The following DNAAF9 variants were observed in gnomAD, a reference collection of about 807,000 sequenced individuals.
DNAAF9 encodes dynein axonemal assembly factor 9.
DNAAF9 carries 90 observed loss-of-function variants against 167.0 expected under a neutral mutation model. The observed-to-expected ratio is 0.54, with a 90% confidence interval of 0.45 to 0.64. The LOEUF (loss-of-function observed/expected upper bound fraction) is 0.64. Among genes scored for constraint, DNAAF9 ranks in the 30% least tolerant of loss-of-function variants. The pLI is 0.00. For missense variants in DNAAF9, 1,315 were observed against 1,442.2 expected (o/e 0.91, Z 1.43); for synonymous variants, 491 against 508.8 (o/e 0.96, Z 0.47).
intron 20 of DNAAF9, among the ~76,000 whole-genome samples, chr20:3,313,330 G>A (rs1184395822): frequency 6.6e-6 from 1 of 152,248 alleles, no homozygotes; most frequent in Non-Finnish European, 1.5e-5. Flanking sequence ...CCAGCAGTAT[G>A]TGGATAGAAA....
intron 17 of DNAAF9, among the ~76,000 whole-genome samples, chr20:3,317,276 G>C (rs371668667): frequency 1.3e-5 from 2 of 149,398 alleles, no homozygotes; most frequent in Admixed American, 6.7e-5. Context: ...TGGGAAAATC[G>C]CTTGAGCCCA....
intron 1 of DNAAF9, among the ~76,000 whole-genome samples, chr20:3,405,549 T>A (rs1007840313): frequency 6.6e-6 from 1 of 152,184 alleles, no homozygotes; most frequent in Non-Finnish European, 1.5e-5. Flanking sequence ...GGCCTTGGGG[T>A]TCCTTGCACT....
At chr20:3,271,278 A>C (rs6051702) in intron 29 of DNAAF9, among the ~76,000 whole-genome samples, 29,304 of 152,070 alleles carry the variant, frequency 0.19, 3,059 homozygotes, top group African/African-American at 0.24. Flanking sequence ...GGGGTTATTC[A>C]TTATATCCTC....
At chr20:3,293,898 C>G (rs1302614696) in intron 25 of DNAAF9, among the ~76,000 whole-genome samples, 2 of 151,994 alleles carry the variant, frequency 1.3e-5, no homozygotes, top group African/African-American at 4.8e-5. Context: ...AAGGGCACGG[C>G]AAGATGCTAG....
chr20:3,261,573 G>A (rs1479725675), intron 31 of DNAAF9, among the ~76,000 whole-genome samples: 1 of 151,152 alleles, frequency 6.6e-6, no homozygotes, highest in Admixed American at 6.6e-5. Context: ...TCACCATGTT[G>A]GCCAGGCTGG....
chr20:3,385,820 A>T (rs1198314155), intron 1 of DNAAF9, among the ~76,000 whole-genome samples: 1 of 152,230 alleles, frequency 6.6e-6, no homozygotes, highest in Non-Finnish European at 1.5e-5. Context: ...CATGTTAAAA[A>T]CTACAAAACA....
chr20:3,385,614 G>C (rs2083723321), intron 1 of DNAAF9, among the ~76,000 whole-genome samples: 1 of 152,114 alleles, frequency 6.6e-6, no homozygotes, highest in African/African-American at 2.4e-5. Context: ...ATTTTGGAGA[G>C]ACAGGGTCTC....
At chr20:3,274,042 G>A (rs2068637354) in intron 29 of DNAAF9, among the ~76,000 whole-genome samples, 1 of 151,754 alleles carries the variant, frequency 6.6e-6, no homozygotes, top group Non-Finnish European at 1.5e-5. Flanking sequence ...CTCCCCTCAT[G>A]CCACCCTGCT....
chr20:3,299,154 G>A (rs1158703838), intron 21 of DNAAF9, among the ~76,000 whole-genome samples: 11 of 151,482 alleles, frequency 7.3e-5, no homozygotes, highest in African/African-American at 2.4e-5. Context: ...TAATCCGCCC[G>A]CCTTGGCCTC....
chr20:3,394,208 T>G (rs1658082978), intron 1 of DNAAF9, among the ~76,000 whole-genome samples: 4 of 151,968 alleles, frequency 2.6e-5, no homozygotes. Flanking sequence ...CATGGTGGTG[T>G]GTGCCTATAA....
chr20:3,282,864 G>A (rs2068785797), intron 27 of DNAAF9, among the ~76,000 whole-genome samples: 1 of 152,138 alleles, frequency 6.6e-6, no homozygotes, highest in Admixed American at 6.5e-5. Flanking sequence ...GGCATCCTCT[G>A]ACTTCATACA....
intron 7 of DNAAF9, among the ~76,000 whole-genome samples, chr20:3,351,442 C>T (rs540215284): frequency 8.6e-5 from 13 of 152,010 alleles, no homozygotes; most frequent in African/African-American, 3.1e-4. Context: ...CAAGATCATG[C>T]CACTGCACTC....
At chr20:3,332,900 GGTGTGTGTGTGTGTGTGT>G (rs3082550) in intron 10 of DNAAF9, among the ~76,000 whole-genome samples, 2 of 146,838 alleles carry the variant, frequency 1.4e-5, no homozygotes, top group East Asian at 2.0e-4. Flanking sequence ...GTGTGCGTGT[GGTGTGTGTGTGTGTGTGT>G]GTGTGTGTGT....
Position 3,306,597 on chromosome 20 carries a change from C to G in DNAAF9, c.1679-2054G>C, listed in dbSNP as rs527411461. Among the ~76,000 whole-genome samples the G allele has an allele frequency of 3.3e-5, 5 of 152,298 alleles. No individual in the cohort carries two copies. The South Asian group carries it at 1.0e-3, about 32-fold the overall frequency. Reference sequence around the variant, plus strand: ...CATTACTTGGTGGTGGAGCCAGGTACAGAACACAGGTTTGTCTGATGCCAA... The same window carrying G: ...CATTACTTGGTGGTGGAGCCAGGTAGAGAACACAGGTTTGTCTGATGCCAA... On this transcript the variant is annotated intron_variant, in intron 20 of 36. Coordinates refer to ENST00000252032, the MANE Select transcript of DNAAF9 (RefSeq NM_001009984.3).
chr20:3,327,485 G>C (rs1023493667), intron 12 of DNAAF9, among the ~76,000 whole-genome samples: 1 of 151,126 alleles, frequency 6.6e-6, no homozygotes, highest in East Asian at 1.9e-4. Flanking sequence ...GCTCATCCAA[G>C]GGTCCCTGAA....
chr20:3,291,974 T>A (rs1349062370), intron 25 of DNAAF9, among the ~76,000 whole-genome samples: 1 of 152,026 alleles, frequency 6.6e-6, no homozygotes, highest in African/African-American at 2.4e-5. Flanking sequence ...CCAGACATGT[T>A]TTTACTTTAA....
At chr20:3,372,793 TATACCTACCTCA>T (rs2083528148) in intron 6 of DNAAF9, among the ~76,000 whole-genome samples, 1 of 97,224 alleles carries the variant, frequency 1.0e-5, no homozygotes, top group Admixed American at 9.7e-5. Context: ...AGAGGGTTAC[TATACCTACCTCA>T]GAGGGTTACT....
intron 1 of DNAAF9, among the ~76,000 whole-genome samples, chr20:3,396,214 C>T (rs939660180): frequency 3.9e-5 from 6 of 152,228 alleles, no homozygotes; most frequent in African/African-American, 1.4e-4. Flanking sequence ...CAGACTAATA[C>T]AGAGTCCGTT....
At chr20:3,313,312 T>C (rs955340118) in intron 20 of DNAAF9, among the ~76,000 whole-genome samples, 1 of 152,224 alleles carries the variant, frequency 6.6e-6, no homozygotes, top group African/African-American at 2.4e-5. Context: ...ACAAATGCCA[T>C]TACCACTCCA....
Sources: allele counts gnomAD v4.1 joint callset (sites outside exome capture counted in the v4.1 genomes callset), GRCh38; gene constraint gnomAD v4.1.1; transcripts MANE v1.5; gene names NCBI Gene and HGNC (gene_info 2026-07-23, HGNC 2026-07-21).